HEBP1: variants seen among roughly 807,000 people sequenced by gnomAD.
The protein encoded by HEBP1 is heme binding protein 1.
Under a neutral mutation model 20.4 loss-of-function variants are expected in HEBP1, and 13 were observed. The ratio of observed to expected loss-of-function variants is 0.64; its 90% CI spans 0.42 to 1.01. The LOEUF (loss-of-function observed/expected upper bound fraction) is 1.01, where lower values mean the gene tolerates loss of function less well. Among genes scored for constraint, HEBP1 ranks in the 50% least tolerant of loss-of-function variants. The pLI is 0.00. For missense variants in HEBP1, 241 were observed against 247.3 expected (o/e 0.97, Z 0.17); for synonymous variants, 92 against 90.7 (o/e 1.01, Z -0.08).
In HEBP1 at chr12:12,990,505, A is replaced by G. The variant is rs553516751; in HGVS notation, c.79-1090T>C. Among the ~76,000 whole-genome samples the G allele has an allele frequency of 2.6e-5, 4 of 152,342 alleles. No individual in the cohort carries two copies. In the South Asian group the frequency reaches 8.3e-4, roughly 32 times the overall value. On this transcript the variant is annotated intron_variant, in intron 1 of 3. Transcript: ENST00000014930. Reference sequence around the variant, plus strand: ...TGCAAAAATTATAACTGAGGAAATTATGACAGTGAAAGAAATCAGACTTCA... The same window carrying G: ...TGCAAAAATTATAACTGAGGAAATTGTGACAGTGAAAGAAATCAGACTTCA...
intron 3 of HEBP1, chr12:12,983,649 G>A (rs1038886929): frequency 4.4e-6 from 2 of 455,368 alleles, no homozygotes; most frequent in Admixed American, 2.4e-5. Context: ...ATCAAGTGGC[G>A]AGTTGAGGAA....
chr12:12,984,106 G>C (rs1864121366), intron 3 of HEBP1: 1 of 168,234 alleles, frequency 5.9e-6, no homozygotes. Flanking sequence ...ACTTTACCTT[G>C]AGGATGTTAC....
rs780620747 is a variant in HEBP1, at chr12:12,987,192, C to A, written c.358G>T (p.Val120Phe). The A allele has an allele frequency of 6.2e-7, 1 of 1,614,104 alleles. No homozygotes were observed. The highest frequency in any genetic ancestry group is 1.1e-5 in the South Asian group (1 of 91,078). Residue 120 changes from valine (V) to phenylalanine (F), a missense_variant, in exon 3 of 4, where the codon GTT (valine) becomes TTT (phenylalanine). Physicochemically the swap from Val to Phe is conservative, Grantham distance 50. Transcript: ENST00000014930. ...SDPPAPSDKSVKIEEREGITV... is the reference protein window; with the variant it reads ...SDPPAPSDKSFKIEEREGITV... ...ATGCCTTCCCGTTCCTCAATCTTAA[C>A]GCTTTTGTCACTGGGAGCTGGTGGG... is the stretch of plus-strand genomic sequence containing the variant.
intron 3 of HEBP1, chr12:12,979,138 G>T (rs1186564158): frequency 6.6e-6 from 1 of 152,188 alleles, no homozygotes; most frequent in Non-Finnish European, 1.5e-5. Context: ...TGAAGAAAGA[G>T]GACCGGTCAA....
At position 12,975,240 on chromosome 12, in the gene HEBP1, C is replaced by T. The variant is rs1863961629; in HGVS notation, c.*68G>A. On this transcript the variant is annotated 3_prime_UTR_variant, in exon 4 of 4. Transcript: ENST00000014930. ...CAGCTGGAACTTGGGAAGCACTGTC[C>T]CCTCCTTACCCCCGAGGAAGGAGAC... 3 of 1,465,652 alleles carry T rather than the reference C, an allele frequency of 2.0e-6. No individual in the cohort carries two copies. Among genetic ancestry groups the T allele is most frequent in the East Asian group, 4.6e-5 (2 of 43,474 alleles). 90.8% of individuals were successfully genotyped at this position (1,465,652 alleles called of 1,614,324 possible).
At chr12:12,994,138 C>A (rs1480119840) in intron 1 of HEBP1, among the ~76,000 whole-genome samples, 4 of 152,116 alleles carry the variant, frequency 2.6e-5, no homozygotes, top group Non-Finnish European at 5.9e-5. Flanking sequence ...ATGCTCTGAT[C>A]ATTTGGGGAG....
At chr12:12,990,539 A>G (rs900014113) in intron 1 of HEBP1, among the ~76,000 whole-genome samples, 2 of 152,152 alleles carry the variant, frequency 1.3e-5, no homozygotes, top group East Asian at 3.8e-4. Flanking sequence ...CATTGACTCT[A>G]TCTTGTTTCT....
chr12:12,979,527 C>G (rs368490937), intron 3 of HEBP1: 2 of 152,336 alleles, frequency 1.3e-5, no homozygotes, highest in African/African-American at 4.8e-5. Context: ...TTCACAGACA[C>G]TTTGCCTCAT....
At chr12:12,984,399 C>G (rs1002397591) in intron 3 of HEBP1, 25 of 152,362 alleles carry the variant, frequency 1.6e-4, no homozygotes, top group African/African-American at 6.0e-4. Flanking sequence ...GAAGTAAACA[C>G]CACCACGTAG....
At chr12:12,997,829 A>T (rs1468694586) in intron 1 of HEBP1, among the ~76,000 whole-genome samples, 1 of 152,250 alleles carries the variant, frequency 6.6e-6, no homozygotes, top group African/African-American at 2.4e-5. Flanking sequence ...GAACACATGG[A>T]TTCTTAAAGT....
Position 12,976,468 on chromosome 12 carries a change from T to C in HEBP1, c.399-989A>G, listed in dbSNP as rs146058942. Among the ~76,000 whole-genome samples, 368 of 152,344 alleles carry C rather than the reference T, an allele frequency of 2.4e-3. 2 individuals carry two copies. Among genetic ancestry groups the C allele is most frequent in the African/African-American group, 8.4e-3 (351 of 41,584 alleles). On this transcript the variant is annotated intron_variant, in intron 3 of 3. Transcript: ENST00000014930. ...CACTAAAATTTTTATTAGAGTCAAGTACATCCCGATTTCTAATGAGCTGTA... is the reference window on the plus strand; with the variant it reads ...CACTAAAATTTTTATTAGAGTCAAGCACATCCCGATTTCTAATGAGCTGTA...
chr12:12,990,683 G>T (rs1864213821), intron 1 of HEBP1, among the ~76,000 whole-genome samples: 1 of 152,138 alleles, frequency 6.6e-6, no homozygotes, highest in East Asian at 1.9e-4. Flanking sequence ...CTTGCCTGGG[G>T]TCCAGTCTGA....
At position 12,989,302 on chromosome 12, in the gene HEBP1, C is replaced by T. The variant is rs969476157; in HGVS notation, c.192G>A (p.Lys64=). The T allele has an allele frequency of 1.2e-6, 2 of 1,614,094 alleles. No individual in the cohort carries two copies. Among genetic ancestry groups the T allele is most frequent in the African/African-American group, 2.7e-5 (2 of 74,946 alleles). ...CCTTGTCATTGGTGCCCCCCGCATA[C>T]TTTGCGACCTTGGGCATTGCTTCCC... ...ALREAMPKVA[K]YAGGTNDKGI... The change falls in exon 2 of 4, where the codon AAG becomes AAA. Residue 64 remains lysine (K), a synonymous_variant. Transcript: ENST00000014930.
chr12:12,981,189 G>C (rs906258875), intron 3 of HEBP1, among the ~76,000 whole-genome samples: 6 of 152,216 alleles, frequency 3.9e-5, no homozygotes, highest in Non-Finnish European at 8.8e-5. Context: ...ATTGGAACAG[G>C]GTGGGTAGGA....
chr12:12,978,215 T>G (rs988952611), intron 3 of HEBP1, among the ~76,000 whole-genome samples: 2 of 141,378 alleles, frequency 1.4e-5, no homozygotes, highest in Non-Finnish European at 3.1e-5. Context: ...TTTTTTTTTT[T>G]TTTTTTTTTT....
At chr12:12,979,380 A>G (rs904481596) in intron 3 of HEBP1, 2 of 152,578 alleles carry the variant, frequency 1.3e-5, no homozygotes, top group Admixed American at 1.3e-4. Context: ...GAACAGATAC[A>G]TGAGTTCTCC....
At chr12:12,981,419 G>A (rs906309484) in intron 3 of HEBP1, among the ~76,000 whole-genome samples, 24 of 152,126 alleles carry the variant, frequency 1.6e-4, no homozygotes, top group African/African-American at 5.6e-4. Flanking sequence ...CCCTTGCCTG[G>A]TGGGAGTTTA....
At chr12:12,992,494 G>A (rs1864236583) in intron 1 of HEBP1, among the ~76,000 whole-genome samples, 1 of 152,118 alleles carries the variant, frequency 6.6e-6, no homozygotes, top group Admixed American at 6.5e-5. Context: ...ATGAGCCACT[G>A]TGCCCGGCCT....
At chr12:12,990,877 C>T (rs1387113684) in intron 1 of HEBP1, among the ~76,000 whole-genome samples, 1 of 152,174 alleles carries the variant, frequency 6.6e-6, no homozygotes, top group Non-Finnish European at 1.5e-5. Context: ...GCTGACACCA[C>T]TCAGACCAGT....
Sources: gnomAD v4.1 joint callset for allele counts (sites outside exome capture counted in the v4.1 genomes callset) on GRCh38, gnomAD v4.1.1 for gene constraint, MANE v1.5 for transcripts, NCBI Gene and HGNC (gene_info 2026-07-23, HGNC 2026-07-21) for gene names.